The following SMARCC1 variants were observed in gnomAD, a reference collection of about 807,000 sequenced individuals.
SMARCC1 encodes the protein SWI/SNF complex subunit SMARCC1.
Under a neutral mutation model 147.4 loss-of-function variants are expected in SMARCC1, and 43 were observed. The ratio of observed to expected loss-of-function variants is 0.29; its 90% CI spans 0.23 to 0.38. The LOEUF is 0.38. SMARCC1 is among the 10% of genes least tolerant of loss of function. The pLI, the probability that SMARCC1 is intolerant of heterozygous loss-of-function variation, is 1.00. For missense variants in SMARCC1, 1,119 were observed against 1,381.1 expected, an observed-to-expected ratio of 0.81 and a Z score of 3.01; for synonymous variants, 495 against 484.4, an observed-to-expected ratio of 1.02 and a Z score of -0.29.
intron 22 of SMARCC1, 79 bp from the exon 23 acceptor site, chr3:47,636,215 A>G: frequency 1.4e-6 from 1 of 727,066 alleles, no homozygotes. Flanking sequence ...ATCTTAGACT[A>G]GCAAAAGGTT....
At chr3:47,751,992 G>A (rs1011472038) in intron 2 of SMARCC1, among the ~76,000 whole-genome samples, 1 of 152,030 alleles carries the variant, frequency 6.6e-6, no homozygotes, top group African/African-American at 2.4e-5. Context: ...GCTGAGGCAG[G>A]AGAATCACTT....
chr3:47,676,018 C>T (rs1364997593), intron 17 of SMARCC1, among the ~76,000 whole-genome samples: 6 of 151,714 alleles, frequency 4.0e-5, no homozygotes, highest in Non-Finnish European at 8.8e-5. Flanking sequence ...CAATAAATAC[C>T]CACACTTCTA....
intron 14 of SMARCC1, 77 bp downstream of exon 14, chr3:47,685,972 G>A: frequency 8.1e-7 from 1 of 1,241,134 alleles, no homozygotes; most frequent in Non-Finnish European, 1.1e-6. Context: ...AACATGGGCA[G>A]AAAGGCACAA....
At chr3:47,714,698 G>A (rs2034134503) in intron 7 of SMARCC1, among the ~76,000 whole-genome samples, 1 of 152,068 alleles carries the variant, frequency 6.6e-6, no homozygotes, top group African/African-American at 2.4e-5. Flanking sequence ...GGAAGCTGAG[G>A]TGGAAGAATC....
intron 22 of SMARCC1, among the ~76,000 whole-genome samples, chr3:47,636,726 G>A (rs1056834357): frequency 1.3e-5 from 2 of 151,652 alleles, no homozygotes; most frequent in Non-Finnish European, 2.9e-5. Flanking sequence ...TTGCACTCTA[G>A]CCTAGGCAGC....
rs1422805188 is a variant in SMARCC1, at chr3:47,604,050, C to G, written c.3043+6016G>C. ...GATGAATCAAAGGTAGGGGACAGGGCAGAGGGGCTGAAGAACTTACAGAGG... is the reference window on the plus strand; with the variant it reads ...GATGAATCAAAGGTAGGGGACAGGGGAGAGGGGCTGAAGAACTTACAGAGG... On this transcript the variant is annotated intron_variant, in intron 26 of 27. Transcript: ENST00000254480. 6.6e-6 allele frequency: 3 copies of G among 456,724 alleles called. No homozygotes were observed. The Admixed American group carries it at 7.0e-5, about 11-fold the overall frequency. 28.3% of individuals were successfully genotyped at this position (456,724 alleles called of 1,614,324 possible). A position where few individuals can be genotyped will look rare whatever the true frequency, so the allele number is the denominator to read the frequency against.
intron 6 of SMARCC1, among the ~76,000 whole-genome samples, chr3:47,721,191 T>C (rs1187251389): frequency 2.0e-5 from 3 of 152,194 alleles, no homozygotes. Flanking sequence ...CTAACTACTC[T>C]GCTTCCTCTA....
intron 21 of SMARCC1, among the ~76,000 whole-genome samples, chr3:47,641,034 C>A (rs898070405): frequency 1.3e-5 from 2 of 152,174 alleles, no homozygotes; most frequent in Non-Finnish European, 2.9e-5. Flanking sequence ...TTCCTGATCT[C>A]CAGAAGGCTG....
At chr3:47,603,850 G>A (rs770348613) in intron 26 of SMARCC1, 14 of 353,114 alleles carry the variant, frequency 4.0e-5, no homozygotes, top group South Asian at 2.0e-4. Flanking sequence ...GATACTTCCC[G>A]TGTCTTTTTG....
intron 21 of SMARCC1, among the ~76,000 whole-genome samples, chr3:47,641,883 C>A (rs150842788): frequency 6.6e-6 from 1 of 152,124 alleles, no homozygotes; most frequent in Non-Finnish European, 1.5e-5. Flanking sequence ...CTGATCCACC[C>A]GCCTCAGCCT....
intron 5 of SMARCC1, among the ~76,000 whole-genome samples, chr3:47,729,991 C>T (rs2034348457): frequency 6.6e-6 from 1 of 151,976 alleles, no homozygotes; most frequent in African/African-American, 2.4e-5. Flanking sequence ...CCAGCGTGGC[C>T]AACACGGTGA....
chr3:47,595,178 C>T (rs1414550815), intron 26 of SMARCC1, among the ~76,000 whole-genome samples: 1 of 152,092 alleles, frequency 6.6e-6, no homozygotes, highest in Non-Finnish European at 1.5e-5. Flanking sequence ...CACTTTTTGG[C>T]TACTATGAAT....
chr3:47,763,608 T>C (rs368021386), intron 2 of SMARCC1, among the ~76,000 whole-genome samples: 3 of 151,664 alleles, frequency 2.0e-5, no homozygotes, highest in African/African-American at 7.3e-5. Flanking sequence ...GTTGGGATTA[T>C]AGATAGGCAT....
chr3:47,671,173 CAAAAAAAAAAAA>C (rs775759680), intron 18 of SMARCC1, among the ~76,000 whole-genome samples: 3 of 29,230 alleles, frequency 1.0e-4, no homozygotes, highest in South Asian at 5.7e-3. Flanking sequence ...GAGACTATCT[CAAAAAAAAAAAA>C]AAAAAAAAAA....
intron 21 of SMARCC1, among the ~76,000 whole-genome samples, chr3:47,641,809 G>C (rs2033051106): frequency 6.6e-6 from 1 of 152,216 alleles, no homozygotes. Flanking sequence ...AATGGTCTCT[G>C]TAATGCAGGT....
chr3:47,590,516 A>C (rs1000128116), intron 27 of SMARCC1, 145 bp downstream of exon 27: 8 of 610,796 alleles, frequency 1.3e-5, no homozygotes, highest in Non-Finnish European at 1.8e-5. Flanking sequence ...CACAGACTGA[A>C]AACTGGTCTT....
chr3:47,696,172 ACCAGCCTGG>A (rs2033849815), intron 11 of SMARCC1, among the ~76,000 whole-genome samples: 2 of 151,044 alleles, frequency 1.3e-5, no homozygotes, highest in African/African-American at 2.4e-5. Context: ...GAAGTTCGGG[ACCAGCCTGG>A]CCAATATGGC....
At chr3:47,606,295 TTA>T (rs1416822002) in intron 26 of SMARCC1, among the ~76,000 whole-genome samples, 1 of 152,224 alleles carries the variant, frequency 6.6e-6, no homozygotes, top group African/African-American at 2.4e-5. Flanking sequence ...ATAAATCCCC[TTA>T]GTCTTCCGTC....
chr3:47,723,355 GTTTTTTTTTTT>G (rs71070218), intron 6 of SMARCC1, among the ~76,000 whole-genome samples: 1 of 106,676 alleles, frequency 9.4e-6, no homozygotes, highest in Non-Finnish European at 1.9e-5. Flanking sequence ...TTTTTGTTGG[GTTTTTTTTTTT>G]TTTTTTTTTT....
Sources: gnomAD v4.1 joint callset for allele counts (sites outside exome capture counted in the v4.1 genomes callset) on GRCh38, gnomAD v4.1.1 for gene constraint, MANE v1.5 for transcripts, NCBI Gene and HGNC (gene_info 2026-07-23, HGNC 2026-07-21) for gene names.